The following ADCY2 variants were observed in gnomAD, a reference collection of about 807,000 sequenced individuals.
ADCY2 encodes adenylate cyclase type 2.
ADCY2 carries 31 observed loss-of-function variants against 125.2 expected under a neutral mutation model. The observed-to-expected ratio is 0.25, with a 90% CI of 0.19 to 0.33. The LOEUF (loss-of-function observed/expected upper bound fraction) is 0.33, where lower values mean the gene tolerates loss of function less well. Among genes scored for constraint, ADCY2 ranks in the 10% least tolerant of loss-of-function variants. The probability of loss-of-function intolerance (pLI) is 1.00; values close to 1 mark genes in which losing one functional copy is unlikely to be tolerated. For synonymous variants in ADCY2, 512 were observed against 548.4 expected, an observed-to-expected ratio of 0.93 and a Z score of 0.93; for missense variants, 904 against 1,418.2, an observed-to-expected ratio of 0.64 and a Z score of 5.82.
At chr5:7,405,550 G>T (rs532970774) in intron 1 of ADCY2, among the ~76,000 whole-genome samples, 1 of 152,304 alleles carries the variant, frequency 6.6e-6, no homozygotes, top group African/African-American at 2.4e-5. Flanking sequence ...GCTAGCCTGA[G>T]CTTCTTTGCA....
intron 1 of ADCY2, among the ~76,000 whole-genome samples, chr5:7,402,306 A>C (rs931863299): frequency 2.0e-5 from 3 of 152,236 alleles, no homozygotes; most frequent in African/African-American, 7.2e-5. Context: ...TGACAAAATT[A>C]AGCCAGTGCT....
intron 3 of ADCY2, among the ~76,000 whole-genome samples, chr5:7,566,102 G>A (rs960729279): frequency 6.6e-6 from 1 of 152,180 alleles, no homozygotes; most frequent in African/African-American, 2.4e-5. Flanking sequence ...AAGAACTTGG[G>A]TTCAGCAAGG....
At chr5:7,613,832 A>G (rs1484039338) in intron 3 of ADCY2, among the ~76,000 whole-genome samples, 1 of 152,112 alleles carries the variant, frequency 6.6e-6, no homozygotes, top group African/African-American at 2.4e-5. Flanking sequence ...CAATAACAAA[A>G]CCATTCCTAT....
At chr5:7,501,081 C>T (rs1343349510) in intron 2 of ADCY2, among the ~76,000 whole-genome samples, 3 of 144,568 alleles carry the variant, frequency 2.1e-5, no homozygotes, top group Middle Eastern at 3.7e-3. Flanking sequence ...TTTTCAGCAT[C>T]TTTTTTTTGT....
intron 16 of ADCY2, among the ~76,000 whole-genome samples, chr5:7,757,943 T>G (rs1415543236): frequency 1.3e-5 from 2 of 152,168 alleles, no homozygotes; most frequent in African/African-American, 4.8e-5. Flanking sequence ...CCCACTTCCT[T>G]GCTCATGGTG....
In ADCY2 at chr5:7,414,558, T is replaced by G; in HGVS notation, c.211-15T>G. The stretch of plus-strand genomic sequence containing the variant: ...CTAAATGGTAACTTTTCCATGTATT[T>G]TTTTATCTCCTCAGGAAGTTGAAGA... On this transcript the variant is annotated splice_polypyrimidine_tract_variant and intron_variant, in intron 1 of 24. Transcript: ENST00000338316. 6.3e-7 allele frequency: 1 copy of G among 1,591,562 alleles called. No homozygotes were observed. Among genetic ancestry groups the G allele is most frequent in the Non-Finnish European group, 8.5e-7 (1 of 1,170,710 alleles).
chr5:7,609,261 G>C (rs1235176164), intron 3 of ADCY2, among the ~76,000 whole-genome samples: 2 of 152,186 alleles, frequency 1.3e-5, no homozygotes, highest in Non-Finnish European at 2.9e-5. Flanking sequence ...CAACTACAAA[G>C]TTTTCTCACT....
chr5:7,544,049 A>G (rs1305610639), intron 3 of ADCY2, among the ~76,000 whole-genome samples: 1 of 142,866 alleles, frequency 7.0e-6, no homozygotes, highest in East Asian at 2.0e-4. Flanking sequence ...GATTGTCCCC[A>G]TTAGGCCTGA....
intron 3 of ADCY2, among the ~76,000 whole-genome samples, chr5:7,526,690 A>C (rs1734478659): frequency 6.6e-6 from 1 of 152,332 alleles, no homozygotes; most frequent in African/African-American, 2.4e-5. Flanking sequence ...TGAAAGAGGA[A>C]GAGATATTTT....
At chr5:7,587,806 G>A (rs968057585) in intron 3 of ADCY2, among the ~76,000 whole-genome samples, 11 of 152,150 alleles carry the variant, frequency 7.2e-5, no homozygotes, top group Non-Finnish European at 1.0e-4. Flanking sequence ...ACACAGGGTC[G>A]TAGAAGAGGA....
At chr5:7,533,096 C>T (rs1051701506) in intron 3 of ADCY2, among the ~76,000 whole-genome samples, 2 of 148,862 alleles carry the variant, frequency 1.3e-5, no homozygotes, top group Non-Finnish European at 1.5e-5. Context: ...TGTATATATA[C>T]ATGTATATAT....
chr5:7,816,359 G>T (rs1444806376), intron 22 of ADCY2, among the ~76,000 whole-genome samples: 1 of 152,184 alleles, frequency 6.6e-6, no homozygotes, highest in Non-Finnish European at 1.5e-5. Flanking sequence ...GGGAAGAGGA[G>T]GAACGAGGCC....
chr5:7,743,892 C>A, intron 15 of ADCY2, 140 bp downstream of exon 15: 1 of 718,310 alleles, frequency 1.4e-6, no homozygotes, highest in Non-Finnish European at 2.3e-6. Flanking sequence ...GAAACACACA[C>A]CCTTCAGGTC....
intron 3 of ADCY2, among the ~76,000 whole-genome samples, chr5:7,536,427 C>T (rs1365855278): frequency 6.6e-6 from 1 of 152,176 alleles, no homozygotes. Flanking sequence ...GTGGAGTGCA[C>T]CACTCGTCAC....
At chr5:7,704,795 G>T (rs1020150864) in intron 7 of ADCY2, among the ~76,000 whole-genome samples, 2 of 151,644 alleles carry the variant, frequency 1.3e-5, no homozygotes. Context: ...GGAGAATGGC[G>T]TGAACCCGGG....
chr5:7,475,090 C>T (rs963210416), intron 2 of ADCY2, among the ~76,000 whole-genome samples: 1 of 152,214 alleles, frequency 6.6e-6, no homozygotes, highest in Non-Finnish European at 1.5e-5. Flanking sequence ...TGGTGGGAAA[C>T]TCCATGGGAA....
chr5:7,665,828 CTTTTTTTTTTTTT>C (rs70940750), intron 4 of ADCY2, among the ~76,000 whole-genome samples: 2 of 38,618 alleles, frequency 5.2e-5, no homozygotes, highest in African/African-American at 1.0e-4. Context: ...TAATTTAATT[CTTTTTTTTTTTTT>C]TTTTTTTTTT....
chr5:7,803,716 T>TA (rs2126523216), intron 21 of ADCY2, among the ~76,000 whole-genome samples: 2 of 152,138 alleles, frequency 1.3e-5, no homozygotes, highest in African/African-American at 4.8e-5. Context: ...CTGGGCTACA[T>TA]AGGGAGACCC....
In ADCY2 at chr5:7,412,942, G is replaced by A. The variant is rs1049406809; in HGVS notation, c.211-1631G>A. ...ATATATGTAAGCCTGCTTAGCACAA[G>A]TAGCACTTACTAGCATTTACCATTC... On this transcript the variant is annotated intron_variant, in intron 1 of 24. Coordinates refer to ENST00000338316, the MANE Select transcript of ADCY2 (RefSeq NM_020546.3). Among the ~76,000 whole-genome samples the A allele has an allele frequency of 2.0e-5, 3 of 152,218 alleles. No individual in the cohort carries two copies. In the East Asian group the frequency reaches 5.8e-4, roughly 29 times the overall value.
Sources: allele counts gnomAD v4.1 joint callset (sites outside exome capture counted in the v4.1 genomes callset), GRCh38; gene constraint gnomAD v4.1.1; transcripts MANE v1.5; gene names NCBI Gene and HGNC (gene_info 2026-07-23, HGNC 2026-07-21).